VWA8: variants seen among roughly 807,000 people sequenced by gnomAD.
VWA8 encodes the protein von Willebrand factor A domain containing 8.
In VWA8, 221 loss-of-function variants were observed where a neutral mutation model predicts 241.5. That is an observed-to-expected ratio of 0.91 (90% CI 0.82 to 1.02). VWA8 has a LOEUF of 1.02. VWA8 is among the 50% of genes least tolerant of loss of function. VWA8 has a pLI of 0.00. For synonymous variants in VWA8, 852 were observed against 827.1 expected (o/e 1.03, Z -0.52); for missense variants, 2,322 against 2,328.7 (o/e 1.00, Z 0.06).
chr13:41,729,875 A>G lies in VWA8; in HGVS notation c.2503-198T>C, dbSNP rs888023718. ...GCAGAGCTGGAAACAAAATTTTGGGATTTCTACCAAAAGCTTCATGTAGCT... is the reference window on the plus strand; with the variant it reads ...GCAGAGCTGGAAACAAAATTTTGGGGTTTCTACCAAAAGCTTCATGTAGCT... On this transcript the variant is annotated intron_variant, in intron 22 of 44. Transcript: ENST00000379310. Among the ~76,000 whole-genome samples the G allele has an allele frequency of 2.8e-4, 42 of 151,656 alleles. 1 individual carries two copies. Among genetic ancestry groups the G allele is most frequent in the African/African-American group, 1.0e-3 (42 of 41,330 alleles).
At chr13:41,616,598 C>G (rs755047996) in intron 37 of VWA8, among the ~76,000 whole-genome samples, 36 of 152,048 alleles carry the variant, frequency 2.4e-4, no homozygotes, top group Non-Finnish European at 4.1e-4. Context: ...AATACATATA[C>G]TGGCTACAAG....
Position 41,581,297 on chromosome 13 carries a change from C to T in VWA8, c.5272-5459G>A, listed in dbSNP as rs1049103555. ...GATTACAGGCGTGAGCCACCGCGCC[C>T]GGCCGAGAGTGAGTCATCTAAATCA... On this transcript the variant is annotated intron_variant, in intron 42 of 44. Coordinates refer to ENST00000379310, the MANE Select transcript of VWA8 (RefSeq NM_015058.2). 7.9e-5 allele frequency among the ~76,000 whole-genome samples: 12 copies of T among 151,812 alleles called. 1 individual carries two copies. The highest frequency in any genetic ancestry group is 1.5e-4 in the Non-Finnish European group (10 of 68,014).
intron 37 of VWA8, among the ~76,000 whole-genome samples, chr13:41,628,792 C>A (rs1455179456): frequency 6.6e-6 from 1 of 152,144 alleles, no homozygotes; most frequent in African/African-American, 2.4e-5. Flanking sequence ...CCTGTAATCC[C>A]AGCACTTTGG....
intron 37 of VWA8, among the ~76,000 whole-genome samples, chr13:41,666,967 T>C (rs1278847021): frequency 6.6e-6 from 1 of 152,154 alleles, no homozygotes; most frequent in Non-Finnish European, 1.5e-5. Flanking sequence ...AAAATATGGA[T>C]TGTTCTGTAA....
At chr13:41,788,522 G>C (rs7985504) in intron 17 of VWA8, among the ~76,000 whole-genome samples, 2 of 152,162 alleles carry the variant, frequency 1.3e-5, no homozygotes, top group Admixed American at 1.3e-4. Flanking sequence ...GGCTATGATA[G>C]AGGAAATTAC....
chr13:41,829,544 C>T (rs1386948745), intron 14 of VWA8, among the ~76,000 whole-genome samples: 72 of 140,452 alleles, frequency 5.1e-4, no homozygotes, highest in African/African-American at 1.8e-3. Context: ...CACACACACA[C>T]ACACACACAC....
intron 2 of VWA8, among the ~76,000 whole-genome samples, chr13:41,948,838 G>A (rs776924586): frequency 2.0e-5 from 3 of 151,874 alleles, no homozygotes; most frequent in Non-Finnish European, 4.4e-5. Context: ...TAGGAGAATG[G>A]ATAAACAAAC....
At chr13:41,670,690 T>G (rs771270936) in intron 37 of VWA8, among the ~76,000 whole-genome samples, 1 of 152,210 alleles carries the variant, frequency 6.6e-6, no homozygotes, top group African/African-American at 2.4e-5. Flanking sequence ...TAAAAGCTGC[T>G]GATTGTATTC....
chr13:41,952,203 C>G (rs1019504104), intron 1 of VWA8, among the ~76,000 whole-genome samples: 2 of 152,174 alleles, frequency 1.3e-5, no homozygotes, highest in African/African-American at 4.8e-5. Flanking sequence ...GTCCAGCAAT[C>G]GGTGTTACAA....
At chr13:41,722,693 G>T (rs751614110) in intron 24 of VWA8, among the ~76,000 whole-genome samples, 1 of 152,108 alleles carries the variant, frequency 6.6e-6, no homozygotes, top group Non-Finnish European at 1.5e-5. Flanking sequence ...TGGTGATGCT[G>T]GGGGAGGTCA....
At chr13:41,684,725 G>A (rs2045123577) in intron 35 of VWA8, among the ~76,000 whole-genome samples, 1 of 152,170 alleles carries the variant, frequency 6.6e-6, no homozygotes. Context: ...AGGAGTTTAA[G>A]ACAAAAGGCA....
chr13:41,572,771 A>G (rs1373823413), intron 43 of VWA8, among the ~76,000 whole-genome samples: 1 of 149,252 alleles, frequency 6.7e-6, no homozygotes, highest in African/African-American at 2.5e-5. Flanking sequence ...CTCTCCGAGA[A>G]ACACCCAAGA....
intron 21 of VWA8, among the ~76,000 whole-genome samples, chr13:41,739,390 C>T (rs1472329908): frequency 6.6e-6 from 1 of 152,136 alleles, no homozygotes; most frequent in Non-Finnish European, 1.5e-5. Flanking sequence ...TTAGGTATGT[C>T]TCTTTTGGTT....
intron 37 of VWA8, among the ~76,000 whole-genome samples, chr13:41,649,992 A>G (rs1362527902): frequency 6.6e-6 from 1 of 152,218 alleles, no homozygotes; most frequent in East Asian, 1.9e-4. Flanking sequence ...TTATGAACCT[A>G]GTATTAGCCC....
chr13:41,856,341 AAAC>A (rs1872749099), intron 12 of VWA8, among the ~76,000 whole-genome samples: 1 of 150,058 alleles, frequency 6.7e-6, no homozygotes, highest in South Asian at 2.1e-4. Context: ...GATCAAAACA[AAAC>A]AAAACAAAAC....
At chr13:41,858,821 T>A (rs1593822611) in intron 12 of VWA8, among the ~76,000 whole-genome samples, 1 of 152,018 alleles carries the variant, frequency 6.6e-6, no homozygotes, top group Non-Finnish European at 1.5e-5. Context: ...TAAGAGCTAT[T>A]CTTTGTGGAA....
At chr13:41,610,502 G>A (rs894323221) in intron 39 of VWA8, among the ~76,000 whole-genome samples, 10 of 152,160 alleles carry the variant, frequency 6.6e-5, no homozygotes, top group South Asian at 2.1e-4. Flanking sequence ...CTGAACCCTC[G>A]AGGGTCTGAG....
At chr13:41,890,463 T>C (rs1874780110) in intron 5 of VWA8, among the ~76,000 whole-genome samples, 1 of 152,254 alleles carries the variant, frequency 6.6e-6, no homozygotes, top group Non-Finnish European at 1.5e-5. Flanking sequence ...AAGGGCTAAA[T>C]GTCTTCTTGT....
chr13:41,715,758 A>G (rs1171231663), intron 26 of VWA8, among the ~76,000 whole-genome samples: 1 of 152,032 alleles, frequency 6.6e-6, no homozygotes, highest in East Asian at 1.9e-4. Flanking sequence ...AAGAGTTTCA[A>G]TTTTAACATA....
Sources: gnomAD v4.1 joint callset for allele counts (sites outside exome capture counted in the v4.1 genomes callset) on GRCh38, gnomAD v4.1.1 for gene constraint, MANE v1.5 for transcripts, NCBI Gene and HGNC (gene_info 2026-07-23, HGNC 2026-07-21) for gene names.